The following TNRC6C variants were observed in gnomAD, a reference collection of about 807,000 sequenced individuals.
TNRC6C encodes the protein trinucleotide repeat-containing gene 6C protein.
In TNRC6C, 20 loss-of-function variants were observed where a neutral mutation model predicts 153.7. The observed-to-expected ratio is 0.13, with a 90% CI of 0.09 to 0.19. The LOEUF is 0.19. Among genes scored for constraint, TNRC6C ranks in the 10% least tolerant of loss-of-function variants. TNRC6C has a pLI of 1.00. For missense variants in TNRC6C, 1,987 were observed against 2,172.0 expected (o/e 0.91, Z 1.69); for synonymous variants, 811 against 841.4 (o/e 0.96, Z 0.63).
At chr17:78,016,694 T>C (rs1204174071) in intron 1 of TNRC6C, among the ~76,000 whole-genome samples, 1 of 152,160 alleles carries the variant, frequency 6.6e-6, no homozygotes, top group Admixed American at 6.5e-5. Context: ...TCATTCTCTG[T>C]GGTTCCTCCT....
intron 1 of TNRC6C, among the ~76,000 whole-genome samples, chr17:78,030,325 C>CGTGTGCGT (rs1555633028): frequency 4.0e-5 from 6 of 149,752 alleles, no homozygotes; most frequent in African/African-American, 1.2e-4. Flanking sequence ...TGTGTGTGTG[C>CGTGTGCGT]GTGTGTGTGT....
intron 1 of TNRC6C, among the ~76,000 whole-genome samples, chr17:78,024,919 G>T (rs1057222346): frequency 2.0e-5 from 3 of 151,058 alleles, no homozygotes; most frequent in African/African-American, 7.3e-5. Flanking sequence ...TCAGCCTCCC[G>T]AGTAGCTGGG....
At chr17:78,031,367 T>C in intron 1 of TNRC6C, 149 bp from the exon 4 acceptor site, 2 of 537,838 alleles carry the variant, frequency 3.7e-6, no homozygotes, top group Non-Finnish European at 5.6e-6. Context: ...GGTCTCAAAC[T>C]TGGAACTCTA....
At chr17:78,102,254 A>G (rs1481700758) in intron 17 of TNRC6C, among the ~76,000 whole-genome samples, 2 of 152,082 alleles carry the variant, frequency 1.3e-5, no homozygotes, top group Non-Finnish European at 1.5e-5. Context: ...AAGATCCAAA[A>G]AGTCAGAGTC....
At chr17:78,012,289 G>T (rs771713419) in intron 1 of TNRC6C, among the ~76,000 whole-genome samples, 3 of 152,172 alleles carry the variant, frequency 2.0e-5, no homozygotes, top group Non-Finnish European at 4.4e-5. Context: ...AGATGGCAGA[G>T]ATCAGTTCCC....
At chr17:78,051,660 A>G (rs973242379) in intron 3 of TNRC6C, among the ~76,000 whole-genome samples, 1 of 152,170 alleles carries the variant, frequency 6.6e-6, no homozygotes, top group Non-Finnish European at 1.5e-5. Flanking sequence ...CAAGAAAAAA[A>G]TATATTAAGC....
At chr17:78,077,023 TCCCC>T in intron 8 of TNRC6C, 158 bp from the exon 11 acceptor site, 1 of 738,538 alleles carries the variant, frequency 1.4e-6, no homozygotes, top group Non-Finnish European at 2.1e-6. Context: ...TTTTTCTTTT[TCCCC>T]TCTTCCTTTT....
At chr17:78,106,609 C>T (rs2073702150) in exon 20 of TNRC6C, 1 of 150,260 alleles carries the variant, frequency 6.7e-6, no homozygotes, top group Non-Finnish European at 1.5e-5. Flanking sequence ...TACCTAATCT[C>T]TAATGTGTAG....
chr17:78,071,263 C>T, intron 6 of TNRC6C, 98 bp downstream of exon 8: 1 of 1,213,492 alleles, frequency 8.2e-7, no homozygotes. Flanking sequence ...TCAGAAGACA[C>T]CAAGATTGTT....
At chr17:77,994,814 G>T (rs1010658937) in intron 1 of TNRC6C, among the ~76,000 whole-genome samples, 28 of 151,750 alleles carry the variant, frequency 1.8e-4, no homozygotes, top group African/African-American at 6.0e-4. Context: ...CACTCCATCT[G>T]TCAGGGTTGA....
At chr17:78,031,389 A>G (rs2072070746) in intron 1 of TNRC6C, 127 bp from the exon 4 acceptor site, 4 of 648,166 alleles carry the variant, frequency 6.2e-6, no homozygotes, top group Non-Finnish European at 8.8e-6. Flanking sequence ...ACTTTAGTCC[A>G]GTTCTGTTTC....
At chr17:77,979,016 A>G (rs1261629118) in intron 1 of TNRC6C, among the ~76,000 whole-genome samples, 2 of 152,220 alleles carry the variant, frequency 1.3e-5, no homozygotes, top group Non-Finnish European at 2.9e-5. Flanking sequence ...TCAAAAACTA[A>G]GCATATAAAA....
intron 1 of TNRC6C, among the ~76,000 whole-genome samples, chr17:77,965,474 A>T (rs1038475693): frequency 5.3e-5 from 8 of 152,204 alleles, no homozygotes; most frequent in African/African-American, 1.9e-4. Flanking sequence ...GAGCCTTAAT[A>T]AATGTGTCTA....
intron 3 of TNRC6C, 80 bp from the exon 6 acceptor site, chr17:78,064,642 G>A: frequency 1.5e-6 from 2 of 1,361,204 alleles, no homozygotes; most frequent in Non-Finnish European, 2.1e-6. Flanking sequence ...AAATTATTTT[G>A]AAATTGAAAA....
chr17:78,080,175 G>A (rs755885046), intron 10 of TNRC6C, among the ~76,000 whole-genome samples: 8 of 152,192 alleles, frequency 5.3e-5, no homozygotes, highest in Non-Finnish European at 8.8e-5. Flanking sequence ...TGCCGGGCGC[G>A]GCGGCTCACG....
chr17:78,105,038 C>G (rs1459832956), exon 20 of TNRC6C: 2 of 519,648 alleles, frequency 3.8e-6, no homozygotes, highest in Non-Finnish European at 6.0e-6. Context: ...GTCAGCGTCA[C>G]ATGCTAATGA....
At chr17:77,984,273 C>T (rs912839441) in intron 1 of TNRC6C, among the ~76,000 whole-genome samples, 1 of 151,458 alleles carries the variant, frequency 6.6e-6, no homozygotes, top group Non-Finnish European at 1.5e-5. Flanking sequence ...GTAATCCCAG[C>T]ATTTTGGGAA....
At chr17:77,997,879 G>C (rs1435773902) in intron 1 of TNRC6C, among the ~76,000 whole-genome samples, 3 of 151,880 alleles carry the variant, frequency 2.0e-5, no homozygotes, top group Non-Finnish European at 4.4e-5. Flanking sequence ...TGGTCTCGAT[G>C]TCCTGACCTC....
chr17:78,021,097 C>G (rs1307871288), intron 1 of TNRC6C, among the ~76,000 whole-genome samples: 1 of 152,226 alleles, frequency 6.6e-6, no homozygotes, highest in Non-Finnish European at 1.5e-5. Context: ...GGAAAGAAAG[C>G]TTCCTTCAGG....
Sources: gnomAD v4.1 joint callset for allele counts (sites outside exome capture counted in the v4.1 genomes callset) on GRCh38, gnomAD v4.1.1 for gene constraint, MANE v1.5 for transcripts, NCBI Gene and HGNC (gene_info 2026-07-23, HGNC 2026-07-21) for gene names.